GPRC6A: variants seen among roughly 807,000 people sequenced by gnomAD.
GPRC6A encodes the protein G protein-coupled receptor family C group 6 member A.
Under a neutral mutation model 47.0 loss-of-function variants are expected in GPRC6A, and 54 were observed. The observed-to-expected ratio is 1.15, with a 90% CI of 0.92 to 1.44. The LOEUF (loss-of-function observed/expected upper bound fraction) is 1.44, where lower values mean the gene tolerates loss of function less well. GPRC6A is among the 40% of genes most tolerant of loss of function. The pLI is 0.00. For synonymous variants in GPRC6A, 347 were observed against 377.1 expected, an observed-to-expected ratio of 0.92 and a Z score of 0.93; for missense variants, 1,112 against 1,105.5, an observed-to-expected ratio of 1.01 and a Z score of -0.08.
intron 3 of GPRC6A, 66 bp from the exon 4 acceptor site, chr6:116,800,862 T>A (rs1008312602): frequency 4.5e-6 from 4 of 886,760 alleles, no homozygotes; most frequent in Non-Finnish European, 7.3e-6. Flanking sequence ...ATTATTCTAA[T>A]GATAACACTG....
chr6:116,828,239 T>C (rs987051409), intron 1 of GPRC6A, among the ~76,000 whole-genome samples: 3 of 152,122 alleles, frequency 2.0e-5, no homozygotes, highest in African/African-American at 7.2e-5. Flanking sequence ...TTTTCCACAT[T>C]ATACTGTGCC....
At chr6:116,805,192 G>A (rs1179666834) in intron 3 of GPRC6A, among the ~76,000 whole-genome samples, 1 of 151,724 alleles carries the variant, frequency 6.6e-6, no homozygotes, top group Admixed American at 6.6e-5. Flanking sequence ...ATTGAGAAAA[G>A]GTCCTAATCT....
At chr6:116,814,556 G>A (rs1773140488) in intron 1 of GPRC6A, among the ~76,000 whole-genome samples, 1 of 152,098 alleles carries the variant, frequency 6.6e-6, no homozygotes, top group African/African-American at 2.4e-5. Flanking sequence ...TGAGCAATGA[G>A]ATCACTTGGA....
chr6:116,815,163 A>G (rs188672650), intron 1 of GPRC6A, among the ~76,000 whole-genome samples: 17 of 152,318 alleles, frequency 1.1e-4, no homozygotes, highest in Non-Finnish European at 2.1e-4. Flanking sequence ...TAGGTGGATC[A>G]TCTAGACAGA....
At chr6:116,805,334 C>A (rs946298882) in intron 3 of GPRC6A, among the ~76,000 whole-genome samples, 3 of 151,044 alleles carry the variant, frequency 2.0e-5, no homozygotes, top group African/African-American at 7.3e-5. Flanking sequence ...TATCAGACCT[C>A]GAATATGGTA....
chr6:116,806,276 A>G, intron 3 of GPRC6A, 94 bp downstream of exon 3: 1 of 776,460 alleles, frequency 1.3e-6, no homozygotes, highest in Non-Finnish European at 2.2e-6. Context: ...AATAGGATTA[A>G]GAGCAATTAA....
At chr6:116,802,558 T>G (rs150025171) in intron 3 of GPRC6A, among the ~76,000 whole-genome samples, 132 of 152,270 alleles carry the variant, frequency 8.7e-4, no homozygotes, top group African/African-American at 3.0e-3. Flanking sequence ...CTCTACCTCA[T>G]TAAGTAAGGT....
chr6:116,795,466 A>G (rs1027559155), intron 5 of GPRC6A, among the ~76,000 whole-genome samples: 4 of 152,186 alleles, frequency 2.6e-5, no homozygotes, highest in African/African-American at 9.7e-5. Flanking sequence ...ATATGAGCGA[A>G]GCGATAACAT....
chr6:116,805,105 C>T (rs1772795367), intron 3 of GPRC6A, among the ~76,000 whole-genome samples: 1 of 151,912 alleles, frequency 6.6e-6, no homozygotes, highest in Admixed American at 6.6e-5. Flanking sequence ...AAGTTTTATA[C>T]TACAAAGAGA....
chr6:116,817,561 C>T (rs1404873751), intron 1 of GPRC6A, among the ~76,000 whole-genome samples: 1 of 152,192 alleles, frequency 6.6e-6, no homozygotes, highest in Non-Finnish European at 1.5e-5. Flanking sequence ...GAGAAGAAGG[C>T]TTCAGATGAT....
intron 1 of GPRC6A, among the ~76,000 whole-genome samples, chr6:116,823,628 C>A (rs965821662): frequency 3.9e-5 from 6 of 152,178 alleles, no homozygotes; most frequent in African/African-American, 1.4e-4. Flanking sequence ...AGCAATGCCC[C>A]ACCTCTCTGG....
At chr6:116,817,016 G>C (rs963208637) in intron 1 of GPRC6A, among the ~76,000 whole-genome samples, 10 of 152,226 alleles carry the variant, frequency 6.6e-5, no homozygotes, top group African/African-American at 2.4e-4. Flanking sequence ...CGGGAAGCTT[G>C]AACTGGGTGG....
intron 1 of GPRC6A, among the ~76,000 whole-genome samples, chr6:116,825,725 A>G (rs1773657364): frequency 6.6e-6 from 1 of 151,946 alleles, no homozygotes; most frequent in South Asian, 2.1e-4. Context: ...TAAAATTCAT[A>G]TGGAGCAACA....
At chr6:116,817,344 A>C (rs1351288079) in intron 1 of GPRC6A, among the ~76,000 whole-genome samples, 3 of 151,976 alleles carry the variant, frequency 2.0e-5, no homozygotes, top group African/African-American at 7.3e-5. Context: ...TTAGAAGGAA[A>C]ACTAACAAAC....
Position 116,809,295 on chromosome 6 carries a change from G to C in GPRC6A, c.498+19C>G, listed in dbSNP as rs1302012593. The C allele has an allele frequency of 2.5e-6, 4 of 1,591,372 alleles. No individual in the cohort carries two copies. In the South Asian group the frequency reaches 4.4e-5, roughly 18 times the overall value. On this transcript the variant is annotated intron_variant, in intron 2 of 5. Transcript: ENST00000310357. ...CAAATGTGATCAAAAGCAATGTTTG[G>C]AGGTAGCACAAAACCTACCTGTGGC...
intron 3 of GPRC6A, among the ~76,000 whole-genome samples, chr6:116,802,528 C>G (rs1772707887): frequency 6.6e-6 from 1 of 152,082 alleles, no homozygotes; most frequent in Non-Finnish European, 1.5e-5. Flanking sequence ...TTTTCATTGT[C>G]CTAACTGTGC....
chr6:116,813,097 T>G (rs1186436954), intron 1 of GPRC6A, among the ~76,000 whole-genome samples: 2 of 151,980 alleles, frequency 1.3e-5, no homozygotes, highest in East Asian at 1.9e-4. Flanking sequence ...CACTGCTCAA[T>G]GAAATAAAAG....
intron 2 of GPRC6A, among the ~76,000 whole-genome samples, chr6:116,808,728 C>A (rs948282091): frequency 7.9e-5 from 12 of 151,994 alleles, no homozygotes; most frequent in African/African-American, 2.9e-4. Context: ...AAATCAGTGA[C>A]GTAGAGAGTT....
chr6:116,820,597 A>G (rs1251742798), intron 1 of GPRC6A, among the ~76,000 whole-genome samples: 1 of 149,142 alleles, frequency 6.7e-6, no homozygotes, highest in African/African-American at 2.5e-5. Context: ...AACAGAGCCA[A>G]AGACAAAAAC....
Sources: allele counts gnomAD v4.1 joint callset (sites outside exome capture counted in the v4.1 genomes callset), GRCh38; gene constraint gnomAD v4.1.1; transcripts MANE v1.5; gene names NCBI Gene and HGNC (gene_info 2026-07-23, HGNC 2026-07-21).